Variants in ELN observed in about 807,000 individuals in gnomAD.
ELN encodes the protein elastin, also known as tropoelastin.
ELN carries 65 observed loss-of-function variants against 105.8 expected under a neutral mutation model. The ratio of observed to expected loss-of-function variants is 0.61; its 90% confidence interval spans 0.50 to 0.75. ELN has a LOEUF of 0.75. Ranked by LOEUF, ELN falls within the 30% of genes least tolerant of loss-of-function variation. The probability of loss-of-function intolerance (pLI) is 0.00; values close to 1 mark genes in which losing one functional copy is unlikely to be tolerated. For synonymous variants in ELN, 368 were observed against 389.2 expected (o/e 0.95, Z 0.64); for missense variants, 882 against 969.4 (o/e 0.91, Z 1.20).
intron 13 of ELN, 37 bp downstream of exon 13, chr7:74,047,753 C>T (rs1792910039): frequency 6.2e-7 from 1 of 1,613,882 alleles, no homozygotes; most frequent in Middle Eastern, 1.7e-4. Flanking sequence ...GCTTCCAGCT[C>T]TTTCCCTCTC....
At chr7:74,033,106 G>T (rs1563753235) in intron 1 of ELN, among the ~76,000 whole-genome samples, 1 of 152,224 alleles carries the variant, frequency 6.6e-6, no homozygotes, top group Non-Finnish European at 1.5e-5. Context: ...CAACAACCAA[G>T]TGATTATCTG....
chr7:74,057,692 G>C lies in ELN; in HGVS notation c.1410G>C (p.Gln470His), dbSNP rs782608255. 6.2e-7 allele frequency: 1 copy of C among 1,613,306 alleles called. No individual in the cohort carries two copies. The highest frequency in any genetic ancestry group is 1.7e-5 in the Admixed American group (1 of 60,002). The change falls in exon 22 of 33, where the codon CAG becomes CAC. Residue 470 changes from glutamine to histidine, a missense_variant. Transcript: ENST00000252034. ...CTAAAGCAGCCGCCAAAGCCGCCCA[G>C]TTTGGTAAGTCCCCCTCACCCCCGC... ...AAAKAAAKAA[Q>H]FGLVPGVGVA...
At chr7:74,057,763 T>A in intron 22 of ELN, 67 bp downstream of exon 22, 1 of 1,568,236 alleles carries the variant, frequency 6.4e-7, no homozygotes, top group Non-Finnish European at 8.8e-7. Flanking sequence ...TGCTCTGGGG[T>A]CTGACCGCCC....
At chr7:74,053,117 T>G in intron 17 of ELN, 46 bp from the exon 18 acceptor site, 1 of 1,613,920 alleles carries the variant, frequency 6.2e-7, no homozygotes, top group South Asian at 1.1e-5. Flanking sequence ...TTCTAGCCCC[T>G]CTGAGGTTCC....
Position 74,068,944 on chromosome 7 carries a change from C to T in ELN, c.*244C>T, listed in dbSNP as rs1243776420. 1.8e-6 allele frequency: 1 copy of T among 568,798 alleles called. No individual in the cohort carries two copies. The highest frequency in any genetic ancestry group is 3.2e-6 in the Non-Finnish European group (1 of 315,638). The allele number at this position is 568,798 out of a possible 1,614,324, so 35.2% of individuals were successfully genotyped here. A position where few individuals can be genotyped will look rare whatever the true frequency, so the allele number is the denominator to read the frequency against. On this transcript the variant is annotated 3_prime_UTR_variant, in exon 33 of 33. Transcript: ENST00000252034. ...ATGTGGTCCTGGCCCCCCACCCCAT[C>T]CCTTCCCACCTAGGAGCTCCCCCTC...
chr7:74,047,511 C>G (rs1227898881), intron 12 of ELN, among the ~76,000 whole-genome samples, 164 bp from the exon 13 acceptor site: 1 of 152,198 alleles, frequency 6.6e-6, no homozygotes, highest in African/African-American at 2.4e-5. Flanking sequence ...GAGGTGTCCT[C>G]TCCCTCCTTC....
At position 74,045,228 on chromosome 7, in the gene ELN, G is replaced by A. The variant is rs369045063; in HGVS notation, c.476G>A (p.Arg159Gln). 44 of 1,613,940 alleles carry A rather than the reference G, an allele frequency of 2.7e-5. No homozygotes were observed. The highest frequency in any genetic ancestry group is 3.4e-5 in the Non-Finnish European group (40 of 1,180,034). The change falls in exon 10 of 33, where the codon CGG becomes CAG. Residue 159 changes from arginine to glutamine, a missense_variant. Coordinates refer to ENST00000252034, the MANE Select transcript of ELN (RefSeq NM_000501.4). ...CTGCTTTGTCCCCCGGCAGGAGCTC[G>A]GTTCCCCGGTGTGGGGGTGCTCCCT... ...VYPGGVLPGA[R>Q]FPGVGVLPGV... is the part of the protein sequence containing the mutation.
intron 13 of ELN, 97 bp downstream of exon 13, chr7:74,047,813 C>A: frequency 1.9e-6 from 3 of 1,559,618 alleles, no homozygotes; most frequent in South Asian, 2.2e-5. Flanking sequence ...CAGGAGAGCA[C>A]CTCGCTGGGG....
At chr7:74,064,663 C>A (rs181227575) in intron 29 of ELN, among the ~76,000 whole-genome samples, 179 of 152,246 alleles carry the variant, frequency 1.2e-3, no homozygotes, top group African/African-American at 4.0e-3. Context: ...CTGGGGCTAT[C>A]CCTTGCCGCC....
chr7:74,056,822 C>T, intron 21 of ELN, 109 bp downstream of exon 21: 1 of 1,436,168 alleles, frequency 7.0e-7, no homozygotes, highest in Admixed American at 1.7e-5. Flanking sequence ...ATGGCCTGGA[C>T]CAAGGTCACG....
At chr7:74,048,409 C>T (rs577114167) in intron 14 of ELN, 94 bp from the exon 15 acceptor site, 1 of 1,571,600 alleles carries the variant, frequency 6.4e-7, no homozygotes, top group South Asian at 1.1e-5. Flanking sequence ...ACCCACATGT[C>T]AGTGGATTGG....
Position 74,056,435 on chromosome 7 carries a change from C to G in ELN, c.1315C>G (p.Pro439Ala). 4 of 1,613,576 alleles carry G rather than the reference C, an allele frequency of 2.5e-6. No individual in the cohort carries two copies. Among genetic ancestry groups the G allele is most frequent in the Non-Finnish European group, 3.4e-6 (4 of 1,179,730 alleles). The change falls in exon 20 of 33, where the codon CCC (proline) becomes GCC (alanine). Residue 439 changes from proline to alanine, a missense_variant and splice_region_variant. Transcript: ENST00000252034. ...VGGVPGVGIS[P>A]EAQAAAAAKA... ...AGGTGTCCCGGGAGTTGGCATTTCC[C>G]GTGAGCCTTAGTCACACCTGGGGAC...
At chr7:74,065,285 A>C (rs536186398) in intron 29 of ELN, among the ~76,000 whole-genome samples, 1 of 152,002 alleles carries the variant, frequency 6.6e-6, no homozygotes, top group South Asian at 2.1e-4. Context: ...TGGGAGGATG[A>C]GTCCATGGGC....
intron 1 of ELN, among the ~76,000 whole-genome samples, chr7:74,030,478 T>TC (rs1465444746): frequency 6.6e-6 from 1 of 151,760 alleles, no homozygotes; most frequent in Non-Finnish European, 1.5e-5. Context: ...TTTTTTTTTT[T>TC]TTTTCCTGAT....
At chr7:74,044,357 T>C (rs549151677) in intron 9 of ELN, among the ~76,000 whole-genome samples, 2 of 151,928 alleles carry the variant, frequency 1.3e-5, no homozygotes, top group South Asian at 2.1e-4. Context: ...CCTGAGCCAT[T>C]TCCCCAAACT....
At chr7:74,045,170 G>A (rs964697817) in intron 9 of ELN, 52 bp from the exon 10 acceptor site, 7 of 1,609,004 alleles carry the variant, frequency 4.4e-6, no homozygotes, top group Non-Finnish European at 5.9e-6. Flanking sequence ...GGGGTTCCCA[G>A]CAGGGCCTGC....
At chr7:74,031,874 AAGGAAGG>A (rs1788769272) in intron 1 of ELN, among the ~76,000 whole-genome samples, 3 of 147,928 alleles carry the variant, frequency 2.0e-5, no homozygotes, top group Non-Finnish European at 4.5e-5. Flanking sequence ...GGAAGGAAGG[AAGGAAGG>A]AAGGAAGGAA....
chr7:74,048,689 C>T, intron 15 of ELN, 133 bp downstream of exon 15: 1 of 947,010 alleles, frequency 1.1e-6, no homozygotes, highest in Non-Finnish European at 1.6e-6. Context: ...CATCACCCAT[C>T]TATCTATCCC....
In ELN at chr7:74,041,225, G is replaced by A. The variant is rs1554668253; in HGVS notation, c.206G>A (p.Gly69Glu). ...TGTTTCTTATCCACAGTTCCCGGAG[G>A]GCTTGCGGGTGCTGGCCTTGGGGCA... ...GGKPLKPVPG[G>E]LAGAGLGAGL... The change falls in exon 5 of 33, where the codon GGG becomes GAG. Residue 69 changes from glycine to glutamate, a missense_variant. Transcript: ENST00000252034. 3.1e-6 allele frequency: 5 copies of A among 1,614,016 alleles called. No homozygotes were observed.
Sources: gnomAD v4.1 joint callset for allele counts (sites outside exome capture counted in the v4.1 genomes callset) on GRCh38, gnomAD v4.1.1 for gene constraint, MANE v1.5 for transcripts, NCBI Gene and HGNC (gene_info 2026-07-23, HGNC 2026-07-21) for gene names.